VPS13B: variants seen among roughly 807,000 people sequenced by gnomAD.
VPS13B encodes the protein vacuolar protein sorting 13 homolog B.
A neutral mutation model predicts 426.4 loss-of-function variants in VPS13B; 285 were observed. That is an observed-to-expected ratio of 0.67 (90% confidence interval 0.61 to 0.74). The LOEUF is 0.74. Among genes scored for constraint, VPS13B ranks in the 30% least tolerant of loss-of-function variants. The pLI is 0.00. For synonymous variants in VPS13B, 1,676 were observed against 1,676.4 expected (o/e 1.00, Z 0.01); for missense variants, 4,537 against 4,782.6 (o/e 0.95, Z 1.51).
chr8:99,695,466 C>G (rs548968380), intron 35 of VPS13B, among the ~76,000 whole-genome samples: 2,782 of 144,198 alleles, frequency 0.019, 92 homozygotes, highest in African/African-American at 0.068. Context: ...CCAAACACCG[C>G]ATATTCTCAC....
chr8:99,563,287 A>G (rs760142356), intron 31 of VPS13B, among the ~76,000 whole-genome samples: 4 of 152,230 alleles, frequency 2.6e-5, no homozygotes, highest in Non-Finnish European at 4.4e-5. Flanking sequence ...TATGTCCTGT[A>G]AGAAGTTCAG....
intron 17 of VPS13B, among the ~76,000 whole-genome samples, chr8:99,246,883 T>G (rs1434502236): frequency 6.6e-6 from 1 of 151,944 alleles, no homozygotes. Flanking sequence ...TTATGAGCTC[T>G]GATTATCATC....
chr8:99,751,561 C>G (rs1002603723), intron 39 of VPS13B, among the ~76,000 whole-genome samples: 1 of 152,082 alleles, frequency 6.6e-6, no homozygotes, highest in African/African-American at 2.4e-5. Context: ...CCTCGCTGAT[C>G]GTTGTATCCC....
At chr8:99,142,804 A>T (rs1040718850) in intron 12 of VPS13B, among the ~76,000 whole-genome samples, 170 bp from the exon 13 acceptor site, 1 of 152,258 alleles carries the variant, frequency 6.6e-6, no homozygotes, top group Non-Finnish European at 1.5e-5. Flanking sequence ...TCAGTAATTT[A>T]TTATATGCAC....
intron 17 of VPS13B, among the ~76,000 whole-genome samples, chr8:99,226,785 G>A (rs1381498371): frequency 6.6e-6 from 1 of 152,166 alleles, no homozygotes; most frequent in Non-Finnish European, 1.5e-5. Flanking sequence ...ACATATTTAT[G>A]TGATATATGT....
chr8:99,853,603 T>C lies in VPS13B; in HGVS notation c.10214T>C (p.Leu3405Pro). The C allele has an allele frequency of 6.2e-7, 1 of 1,614,186 alleles. No individual in the cohort carries two copies. The highest frequency in any genetic ancestry group is 1.1e-5 in the South Asian group (1 of 91,088). Residue 3405 changes from leucine (L) to proline (P), a missense_variant, in exon 56 of 62, where the codon CTC becomes CCC. By Grantham distance (98) the Leu-to-Pro change is moderately conservative. This residue lies in a region of VPS13B where 4,311 missense variants were observed against 4,474.3 expected (regional missense o/e 0.96). Transcript: ENST00000357162. ...FLCVAPGAGP[L>P]PGEEPVAALF... ...TGTGTGGCCCCGGGAGCTGGTCCCCTCCCTGGGGAAGAGCCTGTGGCTGCG... is the reference window on the plus strand; with the variant it reads ...TGTGTGGCCCCGGGAGCTGGTCCCCCCCCTGGGGAAGAGCCTGTGGCTGCG...
At chr8:99,303,843 A>G (rs943026486) in intron 19 of VPS13B, among the ~76,000 whole-genome samples, 2 of 151,746 alleles carry the variant, frequency 1.3e-5, no homozygotes, top group South Asian at 2.1e-4. Context: ...CATTTGTACT[A>G]CAGATCTCTC....
At chr8:99,109,790 A>T (rs570932252) in intron 5 of VPS13B, among the ~76,000 whole-genome samples, 1 of 152,334 alleles carries the variant, frequency 6.6e-6, no homozygotes, top group African/African-American at 2.4e-5. Context: ...CAATAGACAG[A>T]CTATTACCAC....
chr8:99,090,718 C>T (rs1846096946), intron 3 of VPS13B, among the ~76,000 whole-genome samples: 1 of 151,976 alleles, frequency 6.6e-6, no homozygotes, highest in Non-Finnish European at 1.5e-5. Context: ...TTTGCTCAGA[C>T]ATCTTTTGCT....
At chr8:99,374,065 A>G (rs1322363629) in intron 19 of VPS13B, among the ~76,000 whole-genome samples, 1 of 152,114 alleles carries the variant, frequency 6.6e-6, no homozygotes, top group Admixed American at 6.5e-5. Flanking sequence ...ATCTAGGTTG[A>G]ATTTTTTAAC....
At chr8:99,826,681 A>G (rs1404759222) in intron 51 of VPS13B, among the ~76,000 whole-genome samples, 1 of 152,206 alleles carries the variant, frequency 6.6e-6, no homozygotes, top group Non-Finnish European at 1.5e-5. Flanking sequence ...GCTTTTGCCC[A>G]TTCAGTATGA....
At chr8:99,718,127 T>C (rs1321207796) in intron 37 of VPS13B, among the ~76,000 whole-genome samples, 1 of 152,098 alleles carries the variant, frequency 6.6e-6, no homozygotes, top group Non-Finnish European at 1.5e-5. Flanking sequence ...TCACCCAGGC[T>C]GGAGTACAGG....
Position 99,607,035 on chromosome 8 carries a change from T to G in VPS13B, c.5220+29402T>G, listed in dbSNP as rs985270322. 1.7e-4 allele frequency among the ~76,000 whole-genome samples: 26 copies of G among 152,182 alleles called. 2 individuals are homozygous for G. Among genetic ancestry groups the G allele is most frequent in the Non-Finnish European group, 2.9e-5 (2 of 68,024 alleles). ...TCTCCCCATTTCAAGATCTATAACC[T>G]TAATCACTCTGCAGAGTTCCTGCTG... On this transcript the variant is annotated intron_variant, in intron 33 of 61. Coordinates refer to ENST00000357162, the MANE Select transcript of VPS13B (RefSeq NM_152564.5).
chr8:99,753,795 T>C (rs1263448858), intron 39 of VPS13B, among the ~76,000 whole-genome samples: 2 of 152,104 alleles, frequency 1.3e-5, no homozygotes, highest in Admixed American at 1.3e-4. Context: ...CAGGGGAAAA[T>C]AAAATCTGGA....
chr8:99,035,351 T>C (rs1253497265), intron 2 of VPS13B, among the ~76,000 whole-genome samples: 1 of 152,212 alleles, frequency 6.6e-6, no homozygotes, highest in Non-Finnish European at 1.5e-5. Flanking sequence ...GCCCCAGCCC[T>C]TGACAACCAC....
intron 17 of VPS13B, among the ~76,000 whole-genome samples, chr8:99,227,877 T>C (rs1200758698): frequency 2.6e-5 from 4 of 152,190 alleles, no homozygotes; most frequent in Admixed American, 2.6e-4. Context: ...ACCATTGCCA[T>C]TGATGACCCA....
chr8:99,490,577 G>C (rs963900204), intron 25 of VPS13B, among the ~76,000 whole-genome samples: 2 of 152,134 alleles, frequency 1.3e-5, no homozygotes, highest in Middle Eastern at 6.3e-3. Flanking sequence ...CTCAATTTCA[G>C]AGCCTGTTAT....
chr8:99,764,119 G>A (rs1469445805), intron 39 of VPS13B, among the ~76,000 whole-genome samples: 1 of 152,068 alleles, frequency 6.6e-6, no homozygotes, highest in Non-Finnish European at 1.5e-5. Context: ...TAAATAATGT[G>A]CCATTTCTGC....
intron 30 of VPS13B, among the ~76,000 whole-genome samples, chr8:99,541,580 G>A (rs1412212357): frequency 6.6e-6 from 1 of 152,104 alleles, no homozygotes; most frequent in Non-Finnish European, 1.5e-5. Context: ...CTCCCACTGA[G>A]TGACAACAAG....
Sources: gnomAD v4.1 joint callset for allele counts (sites outside exome capture counted in the v4.1 genomes callset) on GRCh38, gnomAD v4.1.1 for gene constraint, gnomAD v4.1.1 regional missense constraint, MANE v1.5 for transcripts, NCBI Gene and HGNC (gene_info 2026-07-23, HGNC 2026-07-21) for gene names.